The following TRRAP variants were observed in gnomAD, a reference collection of about 807,000 sequenced individuals.
TRRAP encodes the protein transformation/transcription domain-associated protein.
TRRAP carries 41 observed loss-of-function variants against 438.8 expected under a neutral mutation model. The ratio of observed to expected loss-of-function variants is 0.09; its 90% CI spans 0.07 to 0.12. TRRAP has a LOEUF of 0.12. TRRAP is among the 10% of genes least tolerant of loss of function. The pLI, the probability that TRRAP is intolerant of heterozygous loss-of-function variation, is 1.00. For synonymous variants in TRRAP, 1,994 were observed against 1,962.9 expected, an observed-to-expected ratio of 1.02 and a Z score of -0.42; for missense variants, 3,122 against 5,055.1, an observed-to-expected ratio of 0.62 and a Z score of 11.60.
chr7:98,966,664 A>T, intron 49 of TRRAP, among the ~76,000 whole-genome samples: 1 of 152,158 alleles, frequency 6.6e-6, no homozygotes, highest in Non-Finnish European at 1.5e-5. Context: ...CAGTCTGGGC[A>T]TCACGGCGAG....
chr7:98,945,220 G>T (rs1790993315), intron 31 of TRRAP, among the ~76,000 whole-genome samples: 1 of 152,150 alleles, frequency 6.6e-6, no homozygotes, highest in South Asian at 2.1e-4. Context: ...CTTGTTATGT[G>T]TATGCACACA....
In TRRAP at chr7:98,921,998, T is replaced by TA. The variant is rs781889153; in HGVS notation, c.2823+46dup. 1.9e-6 allele frequency: 3 copies of TA among 1,612,058 alleles called. No individual in the cohort carries two copies. The South Asian group carries it at 3.3e-5, about 18-fold the overall frequency. ...CGTTTCGTTTTAAGCCTTGTGAAGA[T>TA]ACTATGTTTCAGTCTATGTGAAATG... On this transcript the variant is annotated intron_variant, in intron 21 of 72. Transcript: ENST00000456197.
chr7:98,971,666 A>T, intron 52 of TRRAP, 133 bp from the exon 53 acceptor site: 1 of 1,056,586 alleles, frequency 9.5e-7, no homozygotes. Flanking sequence ...AAGATTATTT[A>T]AATACTTACA....
intron 22 of TRRAP, 26 bp from the exon 23 acceptor site, chr7:98,927,141 A>G (rs1790085753): frequency 1.9e-6 from 3 of 1,613,868 alleles, no homozygotes; most frequent in Non-Finnish European, 2.5e-6. Context: ...GGGTGTCGTG[A>G]CACCAGATCT....
chr7:98,931,349 C>T (rs2116515019), intron 25 of TRRAP, 56 bp from the exon 26 acceptor site: 1 of 1,586,980 alleles, frequency 6.3e-7, no homozygotes, highest in East Asian at 2.2e-5. Flanking sequence ...CAGGAGACGG[C>T]AGTTGCAGTG....
Position 98,962,381 on chromosome 7 carries a change from C to T in TRRAP, c.6783C>T (p.Leu2261=), listed in dbSNP as rs770984132. 5.0e-6 allele frequency: 8 copies of T among 1,614,104 alleles called. No homozygotes were observed. In the African/African-American group the frequency reaches 8.0e-5, roughly 16 times the overall value. The change falls in exon 47 of 73, where the codon CTC becomes CTT. Residue 2261 remains leucine (L), a synonymous_variant. Transcript: ENST00000456197. ...TCGGAAAGGTCATCTATGAAGGGCTCACCAACTACGAGAAGGCCACCAATG... is the reference window on the plus strand; with the variant it reads ...TCGGAAAGGTCATCTATGAAGGGCTTACCAACTACGAGAAGGCCACCAATG... ...AAVGKVIYEG[L]TNYEKATNAN...
Position 98,994,859 on chromosome 7 carries a change from AT to A in TRRAP, c.10309+15del, listed in dbSNP as rs779221208. On this transcript the variant is annotated intron_variant, in intron 67 of 72. Transcript: ENST00000456197. The surrounding 1 kb of genome is among the most constrained non-coding windows in gnomAD (Gnocchi z 4.8). ...GCCAGTTCACGACGGGTGAGTCTCCATTTTCCTTCCCTTCCATAGGGAGAAT... is the reference window on the plus strand; with the variant it reads ...GCCAGTTCACGACGGGTGAGTCTCCATTTCCTTCCCTTCCATAGGGAGAAT... 3.7e-6 allele frequency: 6 copies of A among 1,605,790 alleles called. No individual in the cohort carries two copies. In the East Asian group the frequency reaches 6.7e-5, roughly 18 times the overall value.
chr7:98,972,380 A>G (rs1012701157), intron 53 of TRRAP, among the ~76,000 whole-genome samples: 1 of 152,230 alleles, frequency 6.6e-6, no homozygotes, highest in African/African-American at 2.4e-5. Context: ...GAAAAAAGTT[A>G]ATTTCTCCAC....
chr7:98,981,849 G>T lies in TRRAP; in HGVS notation c.8715G>T (p.Glu2905Asp). 1 of 1,607,938 alleles carries T rather than the reference G, an allele frequency of 6.2e-7. No individual in the cohort carries two copies. The highest frequency in any genetic ancestry group is 8.5e-7 in the Non-Finnish European group (1 of 1,177,858). Residue 2905 changes from glutamate (E) to aspartate (D), a missense_variant, in exon 59 of 73, where the codon GAG becomes GAT. Transcript: ENST00000456197. ...RGYLAICHPE[E>D]QQLSFIERLV... ...ACCTGGCCATCTGCCACCCCGAGGA[G>T]CAGCAGCTCAGCTTCATCGAGCGCC...
chr7:98,996,359 G>A (rs921970663), intron 67 of TRRAP, among the ~76,000 whole-genome samples: 1 of 152,224 alleles, frequency 6.6e-6, no homozygotes, highest in African/African-American at 2.4e-5. Flanking sequence ...GTAGAGAAGC[G>A]CGTGGCGGGC....
Position 98,921,903 on chromosome 7 carries a change from A to G in TRRAP, c.2773A>G (p.Thr925Ala), listed in dbSNP as rs782679108. 68 of 1,614,100 alleles carry G rather than the reference A, an allele frequency of 4.2e-5. No individual in the cohort carries two copies. The highest frequency in any genetic ancestry group is 4.9e-5 in the Non-Finnish European group (58 of 1,180,046). ...GACCGAGGTTCAGGGCCCCAGCATC[A>G]CTGTGGAGTTTTCCGACTGCAAAGC... ...VVTEVQGPSI[T>A]VEFSDCKASL... is the part of the protein sequence containing the mutation. Residue 925 changes from threonine (T) to alanine (A), a missense_variant, in exon 21 of 73, where the codon ACT (threonine) becomes GCT (alanine). Coordinates refer to ENST00000456197, the MANE Select transcript of TRRAP (RefSeq NM_001375524.1).
intron 19 of TRRAP, 97 bp downstream of exon 19, chr7:98,915,985 G>A (rs2116438601): frequency 1.3e-6 from 2 of 1,494,208 alleles, no homozygotes; most frequent in African/African-American, 1.4e-5. Context: ...TGTAACTGGT[G>A]AGTGTCATGG....
chr7:98,953,457 C>G lies in TRRAP; in HGVS notation c.5730+24C>G, dbSNP rs117125958. The G allele has an allele frequency of 1.9e-6, 3 of 1,601,314 alleles. No homozygotes were observed. The South Asian group carries it at 3.3e-5, about 18-fold the overall frequency. On this transcript the variant is annotated intron_variant, in intron 40 of 72. Coordinates refer to ENST00000456197, the MANE Select transcript of TRRAP (RefSeq NM_001375524.1). ...AGGTATTTTGCAAGCCCCTCCTGTCCGCCGACATCAGCGTGAATCTCACAT... is the reference window on the plus strand; with the variant it reads ...AGGTATTTTGCAAGCCCCTCCTGTCGGCCGACATCAGCGTGAATCTCACAT...
Position 98,899,458 on chromosome 7 carries a change from G to A in TRRAP, c.670G>A (p.Val224Met). The A allele has an allele frequency of 6.2e-7, 1 of 1,614,208 alleles. No homozygotes were observed. Among genetic ancestry groups the A allele is most frequent in the Non-Finnish European group, 8.5e-7 (1 of 1,180,040 alleles). Residue 224 changes from valine (V) to methionine (M), a missense_variant, in exon 9 of 73, where the codon GTG (valine) becomes ATG (methionine). Physicochemically the swap from Val to Met is conservative, Grantham distance 21 (BLOSUM62 1). Transcript: ENST00000456197. ...TCCGAGGGGATCACTTTCTCTGAAAGTGTTGGCAGAATTGCCCATTATTGT... is the reference window on the plus strand; with the variant it reads ...TCCGAGGGGATCACTTTCTCTGAAAATGTTGGCAGAATTGCCCATTATTGT... ...IIPRGSLSLK[V>M]LAELPIIVVL...
At chr7:98,942,223 G>A (rs1246250989) in intron 30 of TRRAP, among the ~76,000 whole-genome samples, 1 of 152,190 alleles carries the variant, frequency 6.6e-6, no homozygotes, top group Non-Finnish European at 1.5e-5. Flanking sequence ...CCCTCATTCT[G>A]CAGAGGGAAT....
chr7:98,888,404 G>A (rs1795807650), intron 3 of TRRAP, among the ~76,000 whole-genome samples: 1 of 151,754 alleles, frequency 6.6e-6, no homozygotes, highest in Non-Finnish European at 1.5e-5. Flanking sequence ...AGGCGTGGTG[G>A]CTTATGCCTG....
chr7:98,968,409 C>A (rs926071634), intron 51 of TRRAP, among the ~76,000 whole-genome samples: 1 of 152,212 alleles, frequency 6.6e-6, no homozygotes, highest in Non-Finnish European at 1.5e-5. Flanking sequence ...GAGTCGGGTG[C>A]TGGCAACACA....
rs1486234040 is a variant in TRRAP, at chr7:99,005,285, C to T, written c.10690C>T (p.Arg3564Cys). ...RREERVLQLLRLLNPCLEKRK... is the reference protein window; with the variant it reads ...RREERVLQLLCLLNPCLEKRK... The stretch of plus-strand genomic sequence containing the variant: ...AGAGGAGCGTGTGTTGCAGCTGCTG[C>T]GTCTGCTGAACCCCTGTTTGGAGAA... The change falls in exon 69 of 73, where the codon CGT becomes TGT. Residue 3564 changes from arginine to cysteine, a missense_variant. Arg to Cys is a radical substitution (Grantham distance 180, BLOSUM62 -3). Around this residue, in one of 24 missense-constraint regions of TRRAP, gnomAD observed 95 missense variants for 144.1 expected, o/e 0.66. Coordinates refer to ENST00000456197, the MANE Select transcript of TRRAP (RefSeq NM_001375524.1). This position sits in a 1 kb window ranked among gnomAD's most constrained non-coding sequence, Gnocchi z 5.1. The T allele has an allele frequency of 3.7e-6, 6 of 1,614,136 alleles. No homozygotes were observed. The highest frequency in any genetic ancestry group is 5.1e-6 in the Non-Finnish European group (6 of 1,180,038).
intron 47 of TRRAP, among the ~76,000 whole-genome samples, chr7:98,964,251 AT>A (rs1480583089): frequency 6.6e-6 from 1 of 152,176 alleles, no homozygotes; most frequent in East Asian, 1.9e-4. Flanking sequence ...ATTCAAAGAT[AT>A]TTGGCATGTC....
Sources: gnomAD v4.1 joint callset for allele counts (sites outside exome capture counted in the v4.1 genomes callset) on GRCh38, gnomAD v4.1.1 for gene constraint, gnomAD v4.1.1 regional missense constraint, Gnocchi (gnomAD v3.1) non-coding constraint, MANE v1.5 for transcripts, NCBI Gene and HGNC (gene_info 2026-07-23, HGNC 2026-07-21) for gene names.